The following SPX variants were observed in gnomAD, a reference collection of about 807,000 sequenced individuals.
The protein encoded by SPX is spexin hormone, also known as spexin.
Under a neutral mutation model 19.2 loss-of-function variants are expected in SPX, and 22 were observed. The observed-to-expected ratio is 1.15, with a 90% CI of 0.82 to 1.64. The LOEUF is 1.64. Among genes scored for constraint, SPX ranks in the 40% most tolerant of loss-of-function variants. SPX has a pLI of 0.00. For missense variants in SPX, 143 were observed against 137.7 expected, an observed-to-expected ratio of 1.04 and a Z score of -0.19; for synonymous variants, 50 against 53.3, an observed-to-expected ratio of 0.94 and a Z score of 0.27.
chr12:21,527,930 C>A, intron 4 of SPX, 141 bp downstream of exon 4: 2 of 913,042 alleles, frequency 2.2e-6, no homozygotes, highest in Non-Finnish European at 3.2e-6. Context: ...CAGATACAGT[C>A]CGCCCGAGGG....
In SPX at chr12:21,526,910, A is replaced by G. The variant is rs1449453121; in HGVS notation, c.31A>G (p.Thr11Ala). MKGLRSLAAT[T>A]LALFLVFVFL... ...GGGACTCAGAAGTCTGGCAGCAACA[A>G]CCTTGGCTCTTTTCCTGGTGTTTGT... Residue 11 changes from threonine (T) to alanine (A), a missense_variant, in exon 2 of 6, where the codon ACC becomes GCC. Coordinates refer to ENST00000256969, the MANE Select transcript of SPX (RefSeq NM_030572.4). 1.2e-6 allele frequency: 2 copies of G among 1,614,208 alleles called. No homozygotes were observed. Among genetic ancestry groups the G allele is most frequent in the Non-Finnish European group, 1.7e-6 (2 of 1,180,032 alleles).
chr12:21,528,504 T>C (rs1033813194), intron 4 of SPX, among the ~76,000 whole-genome samples: 7 of 152,180 alleles, frequency 4.6e-5, no homozygotes, highest in Admixed American at 4.6e-4. Context: ...GTTGAACACA[T>C]AGTAGGTGCT....
At chr12:21,527,673 G>A in intron 3 of SPX, 54 bp from the exon 4 acceptor site, 1 of 1,529,674 alleles carries the variant, frequency 6.5e-7, no homozygotes, top group South Asian at 1.2e-5. Context: ...TGAGGTTTAA[G>A]CCCGGGTTGT....
In SPX at chr12:21,531,301, C is replaced by T. The variant is rs1943863135; in HGVS notation, c.*106C>T. 2.6e-6 allele frequency: 2 copies of T among 769,670 alleles called. No homozygotes were observed. The highest frequency in any genetic ancestry group is 5.8e-5 in the East Asian group (2 of 34,582). The allele number at this position is 769,670 out of a possible 1,614,324, so 47.7% of individuals were successfully genotyped here. ...TATTCCATTTGTAATCTTAAGAACA[C>T]ACACAGATAGTTTTATTCTTTCAGA... On this transcript the variant is annotated 3_prime_UTR_variant, in exon 6 of 6. Transcript: ENST00000256969.
rs1311724647 is a variant in SPX, at chr12:21,531,231, C to T, written c.*36C>T. The T allele has an allele frequency of 6.9e-7, 1 of 1,455,326 alleles. No homozygotes were observed. Among genetic ancestry groups the T allele is most frequent in the Non-Finnish European group, 9.4e-7 (1 of 1,061,630 alleles). The allele number at this position is 1,455,326 out of a possible 1,614,324, so 90.2% of individuals were successfully genotyped here. ...GATTATGTTTAATTATGGTTCTATT[C>T]TCTTTGAAAACATGAACCATGTGAA... On this transcript the variant is annotated 3_prime_UTR_variant, in exon 6 of 6. Coordinates refer to ENST00000256969, the MANE Select transcript of SPX (RefSeq NM_030572.4).
At position 21,531,124 on chromosome 12, in the gene SPX, T is replaced by A; in HGVS notation, c.293-13T>A. ...AGTGTATATTTATTTTAAAGAATTT[T>A]TTTTTCTTACAGATGAAGAAAAAAA... On this transcript the variant is annotated splice_polypyrimidine_tract_variant and intron_variant, in intron 5 of 5. Transcript: ENST00000256969. The A allele has an allele frequency of 6.6e-7, 1 of 1,514,360 alleles. No homozygotes were observed. The highest frequency in any genetic ancestry group is 9.0e-7 in the Non-Finnish European group (1 of 1,109,352). The allele number at this position is 1,514,360 out of a possible 1,614,324, so 93.8% of individuals were successfully genotyped here.
intron 3 of SPX, 53 bp downstream of exon 3, chr12:21,527,245 C>A: frequency 6.7e-7 from 1 of 1,503,028 alleles, no homozygotes; most frequent in Non-Finnish European, 9.3e-7. Context: ...CCCTAGGAGT[C>A]AGGAACAGAT....
chr12:21,526,962 C>G lies in SPX; in HGVS notation c.83C>G (p.Pro28Arg). 6.2e-7 allele frequency: 1 copy of G among 1,614,050 alleles called. No individual in the cohort carries two copies. Among genetic ancestry groups the G allele is most frequent in the East Asian group, 2.2e-5 (1 of 44,892 alleles). The part of the protein sequence containing the change: ...FVFLGNSSCA[P>R]QRLLERRNWT... ...TTCCTGGGAAACTCCAGCTGCGCTC[C>G]GCAGGTAATCAAATGCAAAATAAAA... Residue 28 changes from proline (P) to arginine (R), a missense_variant, in exon 2 of 6, where the codon CCG (proline) becomes CGG (arginine). By Grantham distance (103) the Pro-to-Arg change is moderately radical. Coordinates refer to ENST00000256969, the MANE Select transcript of SPX (RefSeq NM_030572.4).
chr12:21,531,526 G>GGTTT lies in SPX; in HGVS notation c.*331_*332insGTTT, dbSNP rs71444129. ...CAGTACCTGTCTTGATCTTAGTTGT[G>GGTTT]TTTTTTTTTCATTTTGTTACCCACT... On this transcript the variant is annotated 3_prime_UTR_variant, in exon 6 of 6. Transcript: ENST00000256969. The GGTTT allele has an allele frequency of 6.3e-6, 1 of 157,652 alleles. No homozygotes were observed. The highest frequency in any genetic ancestry group is 1.8e-4 in the East Asian group (1 of 5,696). 9.8% of individuals were successfully genotyped at this position (157,652 alleles called of 1,614,324 possible).
At chr12:21,529,959 A>T (rs549263188) in intron 5 of SPX, among the ~76,000 whole-genome samples, 30 of 152,390 alleles carry the variant, frequency 2.0e-4, no homozygotes, top group Admixed American at 8.5e-4. Flanking sequence ...GTGCAGAGCC[A>T]GAAAGGAAAG....
chr12:21,527,345 G>C (rs1178475509), intron 3 of SPX, 153 bp downstream of exon 3: 6 of 709,982 alleles, frequency 8.5e-6, no homozygotes, highest in Non-Finnish European at 1.4e-5. Context: ...AGGGAGGGGT[G>C]GGAGAGGGGA....
At chr12:21,527,653 C>G in intron 3 of SPX, 74 bp from the exon 4 acceptor site, 1 of 1,436,408 alleles carries the variant, frequency 7.0e-7, no homozygotes, top group Non-Finnish European at 9.6e-7. Context: ...TGCGCTGTGC[C>G]GGGAGGAGCT....
rs1226583872 is a variant in SPX at position 21,531,162 on chromosome 12, C to T, written c.318C>T (p.Thr106=). 1.3e-6 allele frequency: 2 copies of T among 1,594,318 alleles called. No homozygotes were observed. Among genetic ancestry groups the T allele is most frequent in the Non-Finnish European group, 8.6e-7 (1 of 1,168,592 alleles). The change falls in exon 6 of 6, where the codon ACC becomes ACT. Residue 106 remains threonine (T), a synonymous_variant. Coordinates refer to ENST00000256969, the MANE Select transcript of SPX (RefSeq NM_030572.4). ...ATGAAGAAAAAAACTTTGATCAAAC[C>T]AGATTCCTGGAAGACAGTCTGCTTA... is the stretch of plus-strand genomic sequence containing the variant. ...PEDEEKNFDQ[T]RFLEDSLLNW
Position 21,526,491 on chromosome 12 carries a change from T to A in SPX, c.6+13T>A. ...GCAGAACATGAAGGTAAGTAAAGGCTTTATTAACTTGAGACTTCTTAGCTA... is the reference window on the plus strand; with the variant it reads ...GCAGAACATGAAGGTAAGTAAAGGCATTATTAACTTGAGACTTCTTAGCTA... On this transcript the variant is annotated intron_variant, in intron 1 of 5. Transcript: ENST00000256969. The A allele has an allele frequency of 1.9e-6, 3 of 1,591,706 alleles. No homozygotes were observed. The highest frequency in any genetic ancestry group is 2.6e-6 in the Non-Finnish European group (3 of 1,164,422).
chr12:21,530,034 G>A (rs894571425), intron 5 of SPX, among the ~76,000 whole-genome samples: 4 of 152,154 alleles, frequency 2.6e-5, no homozygotes, highest in African/African-American at 9.7e-5. Context: ...AGCAATTTGA[G>A]GAAAGGATGT....
At chr12:21,527,438 T>C in intron 3 of SPX, 1 of 599,330 alleles carries the variant, frequency 1.7e-6, no homozygotes, top group East Asian at 2.8e-5. Context: ...TTGGTCCAAA[T>C]GGGGACTCGG....
At chr12:21,527,829 T>C in intron 4 of SPX, 40 bp downstream of exon 4, 1 of 1,552,148 alleles carries the variant, frequency 6.4e-7, no homozygotes, top group Admixed American at 2.0e-5. Context: ...TCCTGCGCTT[T>C]TGGAATAGGA....
Position 21,531,363 on chromosome 12 carries a change from A to T in SPX, c.*168A>T, listed in dbSNP as rs528730974. 1 of 500,306 alleles carries T rather than the reference A, an allele frequency of 2.0e-6. No homozygotes were observed. The highest frequency in any genetic ancestry group is 4.2e-5 in the South Asian group (1 of 24,022). The allele number at this position is 500,306 out of a possible 1,614,324, so 31.0% of individuals were successfully genotyped here. A position where few individuals can be genotyped will look rare whatever the true frequency, so the allele number is the denominator to read the frequency against. On this transcript the variant is annotated 3_prime_UTR_variant, in exon 6 of 6. Coordinates refer to ENST00000256969, the MANE Select transcript of SPX (RefSeq NM_030572.4). Reference sequence around the variant, plus strand: ...TATAGGATGCTTAGCTGAGAACATCATCTTCTTTCATTGCTTCAGGTCCTG... The same window carrying T: ...TATAGGATGCTTAGCTGAGAACATCTTCTTCTTTCATTGCTTCAGGTCCTG...
In SPX at chr12:21,526,444, T is replaced by C. The variant is rs1339906673; in HGVS notation, c.-29T>C. 1 of 1,579,130 alleles carries C rather than the reference T, an allele frequency of 6.3e-7. No individual in the cohort carries two copies. Among genetic ancestry groups the C allele is most frequent in the Non-Finnish European group, 8.6e-7 (1 of 1,156,226 alleles). On this transcript the variant is annotated 5_prime_UTR_variant, in exon 1 of 6. Transcript: ENST00000256969. Reference sequence around the variant, plus strand: ...GAAAACTCACAGATAAAGTTATAGTTATTTCAGGGTTCTGAAAAGACGCAG... The same window carrying C: ...GAAAACTCACAGATAAAGTTATAGTCATTTCAGGGTTCTGAAAAGACGCAG...
Sources: allele counts gnomAD v4.1 joint callset (sites outside exome capture counted in the v4.1 genomes callset), GRCh38; gene constraint gnomAD v4.1.1; transcripts MANE v1.5; gene names NCBI Gene and HGNC (gene_info 2026-07-23, HGNC 2026-07-21).